SGCZ: variants seen among roughly 807,000 people sequenced by gnomAD.
SGCZ encodes sarcoglycan zeta.
Under a neutral mutation model 41.3 loss-of-function variants are expected in SGCZ, and 40 were observed. That is an observed-to-expected ratio of 0.97 (90% confidence interval 0.75 to 1.26). The LOEUF is 1.26. Among genes scored for constraint, SGCZ ranks in the 50% most tolerant of loss-of-function variants. The pLI is 0.00. For missense variants in SGCZ, 552 were observed against 369.8 expected (o/e 1.49, Z -4.04); for synonymous variants, 206 against 137.5 (o/e 1.50, Z -3.49).
At chr8:14,256,078 C>A (rs1328726791) in intron 3 of SGCZ, among the ~76,000 whole-genome samples, 1 of 151,976 alleles carries the variant, frequency 6.6e-6, no homozygotes, top group Admixed American at 6.6e-5. Context: ...TCTTGAAGAC[C>A]TACTTTGTTT....
chr8:14,254,371 G>C (rs747308688), intron 3 of SGCZ, among the ~76,000 whole-genome samples: 1 of 152,142 alleles, frequency 6.6e-6, no homozygotes, highest in Non-Finnish European at 1.5e-5. Flanking sequence ...TTGTAAATTT[G>C]GGCAAATCAA....
chr8:14,673,582 C>T (rs1808179079), intron 1 of SGCZ, among the ~76,000 whole-genome samples: 1 of 152,070 alleles, frequency 6.6e-6, no homozygotes, highest in Non-Finnish European at 1.5e-5. Context: ...GTCAATTAAA[C>T]CTCTCTTATT....
intron 2 of SGCZ, among the ~76,000 whole-genome samples, chr8:14,436,472 G>C (rs534597644): frequency 6.6e-6 from 1 of 152,262 alleles, no homozygotes; most frequent in East Asian, 1.9e-4. Context: ...ACACTTTTAA[G>C]ACACTTTTAA....
At chr8:14,234,534 G>T (rs1051209846) in intron 4 of SGCZ, among the ~76,000 whole-genome samples, 2 of 151,986 alleles carry the variant, frequency 1.3e-5, no homozygotes, top group African/African-American at 4.8e-5. Context: ...GTAGACAATA[G>T]AATTGTTTTA....
intron 1 of SGCZ, among the ~76,000 whole-genome samples, chr8:14,948,859 A>C (rs1171025158): frequency 7.2e-6 from 1 of 138,540 alleles, no homozygotes; most frequent in African/African-American, 2.7e-5. Context: ...TTCATTCTTT[A>C]ACCCTGTTAC....
chr8:14,296,974 T>A (rs370749687), intron 3 of SGCZ, among the ~76,000 whole-genome samples: 1 of 152,130 alleles, frequency 6.6e-6, no homozygotes, highest in African/African-American at 2.4e-5. Flanking sequence ...CAAGCTGGAA[T>A]GCAATGGCAT....
chr8:14,861,668 C>T (rs569081987), intron 1 of SGCZ, among the ~76,000 whole-genome samples: 1 of 152,064 alleles, frequency 6.6e-6, no homozygotes, highest in South Asian at 2.1e-4. Flanking sequence ...ATTTTAGAAA[C>T]TTTAATAGCA....
chr8:14,303,544 A>T (rs541909659), intron 3 of SGCZ, among the ~76,000 whole-genome samples: 1 of 152,236 alleles, frequency 6.6e-6, no homozygotes, highest in South Asian at 2.1e-4. Context: ...TTCAGTAAAC[A>T]ATATGTCAGT....
intron 7 of SGCZ, among the ~76,000 whole-genome samples, chr8:14,092,693 T>C (rs1183391834): frequency 6.6e-6 from 1 of 152,052 alleles, no homozygotes; most frequent in Non-Finnish European, 1.5e-5. Flanking sequence ...CCTTCTCTCT[T>C]GCCTGCCACC....
chr8:15,206,708 A>G (rs1258701171), intron 1 of SGCZ, among the ~76,000 whole-genome samples: 1 of 152,056 alleles, frequency 6.6e-6, no homozygotes, highest in African/African-American at 2.4e-5. Flanking sequence ...CGGCCTCCCA[A>G]AGTGCTGAGA....
chr8:14,101,548 A>C (rs190409227), intron 7 of SGCZ, among the ~76,000 whole-genome samples: 83 of 152,346 alleles, frequency 5.4e-4, no homozygotes, highest in African/African-American at 1.9e-3. Flanking sequence ...AGGAGAAAAA[A>C]TAAATGATGT....
intron 1 of SGCZ, among the ~76,000 whole-genome samples, chr8:14,591,214 T>C (rs1423934285): frequency 6.6e-6 from 1 of 151,916 alleles, no homozygotes; most frequent in Non-Finnish European, 1.5e-5. Flanking sequence ...AAACTACCTA[T>C]AAATTTGATC....
intron 1 of SGCZ, among the ~76,000 whole-genome samples, chr8:14,848,061 T>C (rs192425864): frequency 6.6e-6 from 1 of 152,224 alleles, no homozygotes; most frequent in Non-Finnish European, 1.5e-5. Flanking sequence ...AATATCAATA[T>C]TAAATGTATT....
At position 14,088,332 on chromosome 8, in the gene SGCZ, G is replaced by T. The variant is rs986784892; in HGVS notation, c.*2111C>A. On this transcript the variant is annotated 3_prime_UTR_variant, in exon 8 of 8. Transcript: ENST00000382080. ...ACAGCTGAGATTAGAAACAGGGCCA[G>T]TTCCTAATCAAAAGAATTATTCCCA... 6.6e-6 allele frequency among the ~76,000 whole-genome samples: 1 copy of T among 151,770 alleles called. No individual in the cohort carries two copies. The highest frequency in any genetic ancestry group is 1.5e-5 in the Non-Finnish European group (1 of 67,848).
chr8:14,637,535 G>A (rs538165395), intron 1 of SGCZ, among the ~76,000 whole-genome samples: 1 of 151,690 alleles, frequency 6.6e-6, no homozygotes, highest in African/African-American at 2.4e-5. Flanking sequence ...TACGTGCTCA[G>A]TGTTTAGCTC....
chr8:14,284,053 A>G (rs1482060599), intron 3 of SGCZ, among the ~76,000 whole-genome samples: 1 of 152,212 alleles, frequency 6.6e-6, no homozygotes, highest in Non-Finnish European at 1.5e-5. Flanking sequence ...CCATTTTATC[A>G]ATAAGATGTC....
chr8:14,517,117 T>C (rs972096321), intron 2 of SGCZ, among the ~76,000 whole-genome samples: 1 of 151,996 alleles, frequency 6.6e-6, no homozygotes. Flanking sequence ...CAATGTATGA[T>C]AACACAATTA....
chr8:14,552,747 T>A (rs868459918), intron 2 of SGCZ, among the ~76,000 whole-genome samples: 3 of 152,020 alleles, frequency 2.0e-5, no homozygotes, highest in African/African-American at 7.2e-5. Flanking sequence ...GGTGTCAGCA[T>A]GGGGCAAAGT....
At chr8:14,479,248 T>C (rs1455842773) in intron 2 of SGCZ, among the ~76,000 whole-genome samples, 1 of 151,032 alleles carries the variant, frequency 6.6e-6, no homozygotes, top group Non-Finnish European at 1.5e-5. Context: ...ACCACTGTTG[T>C]AGGTCCAAGA....
Sources: allele counts gnomAD v4.1 joint callset (sites outside exome capture counted in the v4.1 genomes callset), GRCh38; gene constraint gnomAD v4.1.1; transcripts MANE v1.5; gene names NCBI Gene and HGNC (gene_info 2026-07-23, HGNC 2026-07-21).